Variants in AQP3 observed in about 807,000 individuals in gnomAD.
AQP3 encodes aquaporin 3 (Gill blood group).
Under a neutral mutation model 30.3 loss-of-function variants are expected in AQP3, and 15 were observed. That is an observed-to-expected ratio of 0.49 (90% CI 0.33 to 0.76). The LOEUF (loss-of-function observed/expected upper bound fraction) is 0.76, where lower values mean the gene tolerates loss of function less well. Among genes scored for constraint, AQP3 ranks in the 30% least tolerant of loss-of-function variants. The probability of loss-of-function intolerance (pLI) is 0.02; values close to 1 mark genes in which losing one functional copy is unlikely to be tolerated. For synonymous variants in AQP3, 153 were observed against 163.2 expected (o/e 0.94, Z 0.47); for missense variants, 272 against 384.8 (o/e 0.71, Z 2.45).
intron 4 of AQP3, 30 bp downstream of exon 4, chr9:33,442,822 G>A (rs1033818932): frequency 1.3e-6 from 2 of 1,598,842 alleles, no homozygotes; most frequent in Non-Finnish European, 1.7e-6. Flanking sequence ...TCCCCTCCCT[G>A]CGTTCCCCTC....
chr9:33,443,248 A>G lies in AQP3; in HGVS notation c.373+73T>C. 4 of 1,545,482 alleles carry G rather than the reference A, an allele frequency of 2.6e-6. No individual in the cohort carries two copies. Among genetic ancestry groups the G allele is most frequent in the Non-Finnish European group, 1.8e-6 (2 of 1,140,842 alleles). ...GGCAGGTCCTAGCCGTCTGTCATCA[A>G]AAGGCCTGGTGCCAGCAGGTCCTGA... On this transcript the variant is annotated intron_variant, in intron 3 of 5. Coordinates refer to ENST00000297991, the MANE Select transcript of AQP3 (RefSeq NM_004925.5). The surrounding 1 kb of genome is among the most constrained non-coding windows in gnomAD (Gnocchi z 5.0).
chr9:33,443,589 AT>A lies in AQP3; in HGVS notation c.236-132del. 6.9e-7 allele frequency: 1 copy of A among 1,446,178 alleles called. No homozygotes were observed. The highest frequency in any genetic ancestry group is 9.5e-7 in the Non-Finnish European group (1 of 1,057,120). The allele number at this position is 1,446,178 out of a possible 1,614,324, so 89.6% of individuals were successfully genotyped here. On this transcript the variant is annotated intron_variant, in intron 2 of 5. Coordinates refer to ENST00000297991, the MANE Select transcript of AQP3 (RefSeq NM_004925.5). This position sits in a 1 kb window ranked among gnomAD's most constrained non-coding sequence, Gnocchi z 5.0. ...GTTGGTCTATGTAACAGGTCAGCTGATAATCTCTGATTCCAAGGTGAGAGTC... is the reference window on the plus strand; with the variant it reads ...GTTGGTCTATGTAACAGGTCAGCTGAAATCTCTGATTCCAAGGTGAGAGTC...
At position 33,443,113 on chromosome 9, in the gene AQP3, G is replaced by A. The variant is rs1236252373; in HGVS notation, c.374-143C>T. ...TGCAGCAGGCAGAGGGGGTGGCGTG[G>A]GGTGGGGTGGAGGGCCTGAGACTCT... On this transcript the variant is annotated intron_variant, in intron 3 of 5. Coordinates refer to ENST00000297991, the MANE Select transcript of AQP3 (RefSeq NM_004925.5). The surrounding 1 kb of genome is among the most constrained non-coding windows in gnomAD (Gnocchi z 5.0). The A allele has an allele frequency of 2.9e-6, 3 of 1,052,180 alleles. No individual in the cohort carries two copies. In the East Asian group the frequency reaches 7.6e-5, roughly 27 times the overall value. 65.2% of individuals were successfully genotyped at this position (1,052,180 alleles called of 1,614,324 possible).
At chr9:33,447,131 C>G (rs1297295670) in intron 1 of AQP3, among the ~76,000 whole-genome samples, 2 of 152,176 alleles carry the variant, frequency 1.3e-5, no homozygotes, top group African/African-American at 4.8e-5. Flanking sequence ...CAAGCGTGAC[C>G]GCTGCCCCCA....
At position 33,441,906 on chromosome 9, in the gene AQP3, T is replaced by C. The variant is rs543163030; in HGVS notation, c.*137A>G. 26 of 1,360,540 alleles carry C rather than the reference T, an allele frequency of 1.9e-5. No homozygotes were observed. In the East Asian group the frequency reaches 5.3e-4, roughly 28 times the overall value. 84.3% of individuals were successfully genotyped at this position (1,360,540 alleles called of 1,614,324 possible). A position where few individuals can be genotyped will look rare whatever the true frequency, so the allele number is the denominator to read the frequency against. On this transcript the variant is annotated 3_prime_UTR_variant, in exon 6 of 6. Coordinates refer to ENST00000297991, the MANE Select transcript of AQP3 (RefSeq NM_004925.5). ...CAGTGGAAATCCTGAAGGGGCTGTC[T>C]CGTGGGGTGAGGGTAGATAGGGAGC... is the stretch of plus-strand genomic sequence containing the variant.
rs766074027 is a variant in AQP3, at chr9:33,442,052, C to T, written c.870G>A (p.Glu290=). The T allele has an allele frequency of 8.7e-6, 14 of 1,613,608 alleles. No homozygotes were observed. The highest frequency in any genetic ancestry group is 1.3e-5 in the African/African-American group (1 of 74,922). The part of the protein sequence containing the change: ...NVKLAHVKHK[E]QI ...GATGGCCCCTGCCCACTCAGATCTG[C>T]TCCTTGTGCTTCACATGGGCCAGCT... Residue 290 remains glutamate, a synonymous_variant, in exon 6 of 6, where the codon GAG becomes GAA. Transcript: ENST00000297991.
At chr9:33,442,744 G>A (rs1826856972) in intron 4 of AQP3, 108 bp downstream of exon 4, 1 of 1,218,658 alleles carries the variant, frequency 8.2e-7, no homozygotes, top group East Asian at 2.3e-5. Flanking sequence ...CCCACAGATT[G>A]GAGAAACCCT....
rs765684295 is a variant in AQP3, at chr9:33,442,324, C to T, written c.687G>A (p.Ala229=). ...DFGPRLFTAL[A]GWGSAVFTTG... ...ACGTGAAGACTGCAGAGCCCCAGCC[C>T]GCAAGGGCTGTAAAAAGGCGGGGGC... is the stretch of plus-strand genomic sequence containing the variant. Residue 229 remains alanine, a synonymous_variant, in exon 5 of 6, where the codon GCG becomes GCA. Transcript: ENST00000297991. 7.4e-6 allele frequency: 12 copies of T among 1,612,802 alleles called. No individual in the cohort carries two copies. Among genetic ancestry groups the T allele is most frequent in the South Asian group, 2.2e-5 (2 of 90,940 alleles).
At chr9:33,442,712 A>G in intron 4 of AQP3, 140 bp downstream of exon 4, 1 of 1,081,742 alleles carries the variant, frequency 9.2e-7, no homozygotes, top group Non-Finnish European at 1.4e-6. Context: ...AGTACTTGCC[A>G]CCATGTTCTG....
Position 33,443,481 on chromosome 9 carries a change from C to CT in AQP3, c.236-24dup, listed in dbSNP as rs1670255538. ...CCCCTGGGCAGAGGGGACAAGGGAC[C>CT]TATTAGCTGCAGCCTGCCACAGTCG... On this transcript the variant is annotated intron_variant, in intron 2 of 5. Coordinates refer to ENST00000297991, the MANE Select transcript of AQP3 (RefSeq NM_004925.5). The surrounding 1 kb of genome is among the most constrained non-coding windows in gnomAD (Gnocchi z 5.0). The CT allele has an allele frequency of 1.9e-6, 3 of 1,608,984 alleles. No homozygotes were observed. The highest frequency in any genetic ancestry group is 2.5e-6 in the Non-Finnish European group (3 of 1,177,986).
chr9:33,442,846 C>A lies in AQP3; in HGVS notation c.492+6G>T. On this transcript the variant is annotated splice_donor_region_variant and intron_variant, in intron 4 of 5. Coordinates refer to ENST00000297991, the MANE Select transcript of AQP3 (RefSeq NM_004925.5). ...TGCGTTCCCCTCACACGTCCCCAGCCCATACCTGGTCAAAGAAGCCATTGA... is the reference window on the plus strand; with the variant it reads ...TGCGTTCCCCTCACACGTCCCCAGCACATACCTGGTCAAAGAAGCCATTGA... 1.9e-6 allele frequency: 3 copies of A among 1,612,922 alleles called. No homozygotes were observed. Among genetic ancestry groups the A allele is most frequent in the Non-Finnish European group, 1.7e-6 (2 of 1,178,880 alleles).
At chr9:33,445,726 GC>G in intron 1 of AQP3, among the ~76,000 whole-genome samples, 1 of 152,138 alleles carries the variant, frequency 6.6e-6, no homozygotes, top group East Asian at 1.9e-4. Context: ...ACCGCCCCCT[GC>G]CCTCACACCA....
At chr9:33,442,718 T>C (rs1826856500) in intron 4 of AQP3, 134 bp downstream of exon 4, 2 of 1,101,882 alleles carry the variant, frequency 1.8e-6, no homozygotes, top group Non-Finnish European at 2.8e-6. Flanking sequence ...TGCCACCATG[T>C]TCTGATGCGG....
chr9:33,445,802 A>C (rs1826905730), intron 1 of AQP3, among the ~76,000 whole-genome samples: 1 of 152,276 alleles, frequency 6.6e-6, no homozygotes, highest in South Asian at 2.1e-4. Context: ...CTGCAGGCCT[A>C]GGCTCCCAAC....
At position 33,443,648 on chromosome 9, in the gene AQP3, C is replaced by A; in HGVS notation, c.235+118G>T. ...CTAAGTGTCAAGTTTCTTCTCCACCCTCCTTTCCCAAGGGGCCAAAGCAGA... is the reference window on the plus strand; with the variant it reads ...CTAAGTGTCAAGTTTCTTCTCCACCATCCTTTCCCAAGGGGCCAAAGCAGA... On this transcript the variant is annotated intron_variant, in intron 2 of 5. Coordinates refer to ENST00000297991, the MANE Select transcript of AQP3 (RefSeq NM_004925.5). The surrounding 1 kb of genome is among the most constrained non-coding windows in gnomAD (Gnocchi z 5.0). The A allele has an allele frequency of 1.9e-6, 3 of 1,540,264 alleles. No homozygotes were observed. In the South Asian group the frequency reaches 3.5e-5, roughly 18 times the overall value.
Position 33,441,871 on chromosome 9 carries a change from G to T in AQP3, c.*172C>A. ...GGGGCAGTGGCCTAAGGTGCTATTT[G>T]GGCAAGGTCCAGTGGAAATCCTGAA... On this transcript the variant is annotated 3_prime_UTR_variant, in exon 6 of 6. Coordinates refer to ENST00000297991, the MANE Select transcript of AQP3 (RefSeq NM_004925.5). 9.1e-7 allele frequency: 1 copy of T among 1,098,464 alleles called. No individual in the cohort carries two copies. The highest frequency in any genetic ancestry group is 1.6e-5 in the African/African-American group (1 of 63,928). The allele number at this position is 1,098,464 out of a possible 1,614,324, so 68.0% of individuals were successfully genotyped here. A position where few individuals can be genotyped will look rare whatever the true frequency, so the allele number is the denominator to read the frequency against.
Position 33,441,822 on chromosome 9 carries a change from A to G in AQP3, c.*221T>C. 1.4e-6 allele frequency: 1 copy of G among 699,038 alleles called. No individual in the cohort carries two copies. Among genetic ancestry groups the G allele is most frequent in the Non-Finnish European group, 2.4e-6 (1 of 412,450 alleles). 43.3% of individuals were successfully genotyped at this position (699,038 alleles called of 1,614,324 possible). ...GGGAGACAAAAGGATGTATTGACCC[A>G]AATTCCGGTTCCACCCCAGCTTAGG... On this transcript the variant is annotated 3_prime_UTR_variant, in exon 6 of 6. Transcript: ENST00000297991.
chr9:33,441,930 G>T lies in AQP3; in HGVS notation c.*113C>A. The T allele has an allele frequency of 6.7e-7, 1 of 1,483,440 alleles. No homozygotes were observed. The highest frequency in any genetic ancestry group is 9.1e-7 in the Non-Finnish European group (1 of 1,096,112). The allele number at this position is 1,483,440 out of a possible 1,614,324, so 91.9% of individuals were successfully genotyped here. A position where few individuals can be genotyped will look rare whatever the true frequency, so the allele number is the denominator to read the frequency against. On this transcript the variant is annotated 3_prime_UTR_variant, in exon 6 of 6. Coordinates refer to ENST00000297991, the MANE Select transcript of AQP3 (RefSeq NM_004925.5). The stretch of plus-strand genomic sequence containing the variant: ...CTCGTGGGGTGAGGGTAGATAGGGA[G>T]CTCCTTAGCCTGAAAGGGTGGATCG...
In AQP3 at chr9:33,442,117, G is replaced by A; in HGVS notation, c.805C>T (p.Leu269=). 1 of 1,613,662 alleles carries A rather than the reference G, an allele frequency of 6.2e-7. No individual in the cohort carries two copies. The highest frequency in any genetic ancestry group is 8.5e-7 in the Non-Finnish European group (1 of 1,180,008). The change falls in exon 6 of 6, where the codon CTG becomes TTG. Residue 269 remains leucine, a synonymous_variant. Transcript: ENST00000297991. ...TCGTTGGAGGGTGGGGGCTGCTCCA[G>A]GTGGCAGCCGATCATCAGCTGGTAC... ...FVYQLMIGCH[L]EQPPPSNEEE... is the part of the protein sequence containing the mutation.
Sources: gnomAD v4.1 joint callset for allele counts (sites outside exome capture counted in the v4.1 genomes callset) on GRCh38, gnomAD v4.1.1 for gene constraint, Gnocchi (gnomAD v3.1) non-coding constraint, MANE v1.5 for transcripts, NCBI Gene and HGNC (gene_info 2026-07-23, HGNC 2026-07-21) for gene names.